The following UBAC2 variants were observed in gnomAD, a reference collection of about 807,000 sequenced individuals.
UBAC2 encodes ubiquitin-associated domain-containing protein 2.
In UBAC2, 26 loss-of-function variants were observed where a neutral mutation model predicts 44.0. That is an observed-to-expected ratio of 0.59 (90% CI 0.43 to 0.82). UBAC2 has a LOEUF of 0.82. UBAC2 is among the 40% of genes least tolerant of loss of function. The pLI is 0.00. For synonymous variants in UBAC2, 155 were observed against 154.3 expected, an observed-to-expected ratio of 1.00 and a Z score of -0.04; for missense variants, 329 against 419.4, an observed-to-expected ratio of 0.78 and a Z score of 1.88.
chr13:99,312,652 AG>A (rs1465176827), intron 4 of UBAC2: 2 of 152,884 alleles, frequency 1.3e-5, no homozygotes, highest in African/African-American at 4.8e-5. Context: ...AGCTGCCAGG[AG>A]GAGTCAGAGA....
intron 4 of UBAC2, among the ~76,000 whole-genome samples, chr13:99,275,547 A>G (rs963031700): frequency 5.3e-5 from 8 of 151,818 alleles, no homozygotes; most frequent in South Asian, 4.2e-4. Flanking sequence ...TATTTTTTGA[A>G]TATTCATTTT....
At chr13:99,203,954 A>G (rs1053641571) in intron 1 of UBAC2, among the ~76,000 whole-genome samples, 7 of 152,218 alleles carry the variant, frequency 4.6e-5, no homozygotes, top group African/African-American at 1.7e-4. Context: ...TGCTGTCTGC[A>G]ATTATGACCG....
intron 7 of UBAC2, among the ~76,000 whole-genome samples, chr13:99,348,954 A>G (rs199523206): frequency 6.6e-6 from 1 of 152,206 alleles, no homozygotes; most frequent in Non-Finnish European, 1.5e-5. Flanking sequence ...TCAAGGTGCA[A>G]TCACGGCTCA....
chr13:99,260,372 G>A (rs1227985423), intron 4 of UBAC2, among the ~76,000 whole-genome samples: 1 of 152,178 alleles, frequency 6.6e-6, no homozygotes, highest in East Asian at 1.9e-4. Context: ...TTTAATATTG[G>A]TTGAATTTCT....
chr13:99,354,426 A>G (rs2045145068), intron 7 of UBAC2, among the ~76,000 whole-genome samples: 1 of 152,094 alleles, frequency 6.6e-6, no homozygotes, highest in South Asian at 2.1e-4. Context: ...CCAGCTTTCC[A>G]TTTTACAGCT....
At chr13:99,236,537 T>G (rs1441647801) in intron 1 of UBAC2, among the ~76,000 whole-genome samples, 5 of 152,154 alleles carry the variant, frequency 3.3e-5, no homozygotes, top group African/African-American at 1.2e-4. Context: ...TAGAATGGCT[T>G]TTATCAAAAA....
intron 4 of UBAC2, chr13:99,294,640 C>T (rs554490519): frequency 6.5e-6 from 1 of 154,516 alleles, no homozygotes; most frequent in South Asian, 2.0e-4. Flanking sequence ...GGAATTAAAT[C>T]TAACATTGAG....
chr13:99,288,735 A>G (rs2044052049), intron 4 of UBAC2, among the ~76,000 whole-genome samples: 1 of 152,272 alleles, frequency 6.6e-6, no homozygotes, highest in African/African-American at 2.4e-5. Flanking sequence ...TTAGCATTTT[A>G]GTACCAAGCA....
chr13:99,282,751 G>A (rs2043970368), intron 4 of UBAC2, among the ~76,000 whole-genome samples: 1 of 152,098 alleles, frequency 6.6e-6, no homozygotes, highest in Non-Finnish European at 1.5e-5. Context: ...CCTTGTGAAA[G>A]ATTTTAGATT....
chr13:99,359,841 T>G (rs963362483), intron 7 of UBAC2, among the ~76,000 whole-genome samples: 1 of 152,166 alleles, frequency 6.6e-6, no homozygotes. Flanking sequence ...GCCTACCCCA[T>G]GGTCTCCCCC....
At chr13:99,360,107 C>CTT (rs35823326) in intron 7 of UBAC2, among the ~76,000 whole-genome samples, 1 of 152,088 alleles carries the variant, frequency 6.6e-6, no homozygotes, top group Non-Finnish European at 1.5e-5. Flanking sequence ...CCATTTTACT[C>CTT]TTTTATGGGG....
rs549879786 is a variant in UBAC2, at chr13:99,266,006, A to G, written c.389+21382A>G. Among the ~76,000 whole-genome samples, 6 of 152,302 alleles carry G rather than the reference A, an allele frequency of 3.9e-5. No homozygotes were observed. In the East Asian group the frequency reaches 5.8e-4, roughly 15 times the overall value. ...TCTTATGTATGGTCTCCGGTTTTCCATACCGATTGATAGTTCAGGGCTGCT... is the reference window on the plus strand; with the variant it reads ...TCTTATGTATGGTCTCCGGTTTTCCGTACCGATTGATAGTTCAGGGCTGCT... On this transcript the variant is annotated intron_variant, in intron 4 of 8. Transcript: ENST00000403766.
intron 3 of UBAC2, among the ~76,000 whole-genome samples, chr13:99,244,225 T>C (rs1019630325): frequency 1.3e-5 from 2 of 151,756 alleles, no homozygotes; most frequent in Non-Finnish European, 2.9e-5. Context: ...AATTATAATT[T>C]ATTTTGCTTA....
At chr13:99,298,040 A>C (rs938709143) in intron 4 of UBAC2, among the ~76,000 whole-genome samples, 2 of 152,194 alleles carry the variant, frequency 1.3e-5, no homozygotes, top group African/African-American at 4.8e-5. Context: ...CAAAGAATAT[A>C]AAAATAATCA....
At chr13:99,282,937 T>C (rs894460026) in intron 4 of UBAC2, among the ~76,000 whole-genome samples, 2 of 152,226 alleles carry the variant, frequency 1.3e-5, no homozygotes, top group Non-Finnish European at 1.5e-5. Flanking sequence ...CTAATGTGCT[T>C]TTGTTATCTG....
At chr13:99,246,773 C>T (rs1594043052) in intron 4 of UBAC2, among the ~76,000 whole-genome samples, 2 of 152,258 alleles carry the variant, frequency 1.3e-5, no homozygotes, top group Admixed American at 1.3e-4. Flanking sequence ...GCAAGAGTTA[C>T]AAACTTGAAT....
At chr13:99,256,225 A>T (rs1311820613) in intron 4 of UBAC2, 2 of 168,878 alleles carry the variant, frequency 1.2e-5, no homozygotes, top group African/African-American at 4.7e-5. Flanking sequence ...TTTGCTAAAA[A>T]ACTCTAGTTT....
At chr13:99,242,236 C>G (rs547484223) in intron 2 of UBAC2, among the ~76,000 whole-genome samples, 3 of 152,378 alleles carry the variant, frequency 2.0e-5, no homozygotes, top group African/African-American at 7.2e-5. Context: ...ATGGCCCGTT[C>G]TCAATGAGCT....
At chr13:99,378,874 C>G (rs551604768) in intron 8 of UBAC2, among the ~76,000 whole-genome samples, 1 of 152,346 alleles carries the variant, frequency 6.6e-6, no homozygotes, top group East Asian at 1.9e-4. Flanking sequence ...CTTCATTGAT[C>G]TAAGAATACC....
Sources: allele counts gnomAD v4.1 joint callset (sites outside exome capture counted in the v4.1 genomes callset), GRCh38; gene constraint gnomAD v4.1.1; transcripts MANE v1.5; gene names NCBI Gene and HGNC (gene_info 2026-07-23, HGNC 2026-07-21).